The following NELL2 variants were observed in gnomAD, a reference collection of about 807,000 sequenced individuals.
The protein encoded by NELL2 is neural EGFL like 2.
Under a neutral mutation model 109.6 loss-of-function variants are expected in NELL2, and 41 were observed. The observed-to-expected ratio is 0.37, with a 90% CI of 0.29 to 0.49. The LOEUF (loss-of-function observed/expected upper bound fraction) is 0.49. Among genes scored for constraint, NELL2 ranks in the 20% least tolerant of loss-of-function variants. The probability of loss-of-function intolerance (pLI) is 0.98; values close to 1 mark genes in which losing one functional copy is unlikely to be tolerated. For missense variants in NELL2, 900 were observed against 1,008.3 expected, an observed-to-expected ratio of 0.89 and a Z score of 1.45; for synonymous variants, 355 against 344.7, an observed-to-expected ratio of 1.03 and a Z score of -0.33.
chr12:44,674,829 G>C (rs1948253606), intron 12 of NELL2, among the ~76,000 whole-genome samples: 1 of 152,114 alleles, frequency 6.6e-6, no homozygotes, highest in Non-Finnish European at 1.5e-5. Context: ...AATCTACCCA[G>C]TCCAAATTTC....
Position 44,523,433 on chromosome 12 carries a change from C to T in NELL2, c.1856G>A (p.Cys619Tyr). ...ATCATATCCGCCATCCAAATTGAAG[C>T]AAATGGTATCATTGGCACAGCTGTG... ...GRHSCANDTICFNLDGGYDCR... is the reference protein window; with the variant it reads ...GRHSCANDTIYFNLDGGYDCR... Residue 619 changes from cysteine (C) to tyrosine (Y), a missense_variant, in exon 17 of 20, where the codon TGC becomes TAC. Physicochemically the swap from Cys to Tyr is radical, Grantham distance 194. Around this residue, in one of 4 missense-constraint regions of NELL2, gnomAD observed 333 missense variants for 432.3 expected, o/e 0.77. Transcript: ENST00000429094. 6.2e-7 allele frequency: 1 copy of T among 1,614,052 alleles called. No homozygotes were observed. The highest frequency in any genetic ancestry group is 8.5e-7 in the Non-Finnish European group (1 of 1,180,004).
At chr12:44,906,183 T>C (rs1270528034) in intron 1 of NELL2, among the ~76,000 whole-genome samples, 1 of 151,788 alleles carries the variant, frequency 6.6e-6, no homozygotes, top group Non-Finnish European at 1.5e-5. Flanking sequence ...GAATAGCAAA[T>C]GTCTTGAGGT....
intron 15 of NELL2, among the ~76,000 whole-genome samples, chr12:44,539,119 T>C (rs1219572559): frequency 2.6e-5 from 4 of 152,320 alleles, no homozygotes; most frequent in Admixed American, 1.3e-4. Flanking sequence ...ATTCTCCTCG[T>C]ATTTTGTATC....
intron 11 of NELL2, among the ~76,000 whole-genome samples, chr12:44,706,925 C>T (rs77709921): frequency 0.061 from 9,332 of 151,944 alleles, 948 homozygotes; most frequent in African/African-American, 0.21. Context: ...AAAATATAAA[C>T]ATGCATTCTT....
chr12:44,616,452 A>G (rs1945825191), intron 13 of NELL2, among the ~76,000 whole-genome samples: 1 of 152,140 alleles, frequency 6.6e-6, no homozygotes, highest in Non-Finnish European at 1.5e-5. Flanking sequence ...ATGGCCCTAA[A>G]CATAGTGACA....
chr12:44,843,969 C>T (rs1372120267), intron 2 of NELL2, among the ~76,000 whole-genome samples: 1 of 152,088 alleles, frequency 6.6e-6, no homozygotes, highest in Admixed American at 6.5e-5. Context: ...TTGCAATCAG[C>T]CATGATTGTG....
intron 9 of NELL2, among the ~76,000 whole-genome samples, chr12:44,743,513 G>GAA (rs1169409846): frequency 8.9e-5 from 3 of 33,546 alleles, no homozygotes; most frequent in Non-Finnish European, 6.3e-5. Context: ...TAGCAAATTG[G>GAA]ATAGAGTCAA....
intron 11 of NELL2, among the ~76,000 whole-genome samples, chr12:44,711,061 G>C (rs1471369887): frequency 6.6e-6 from 1 of 152,074 alleles, no homozygotes; most frequent in Non-Finnish European, 1.5e-5. Flanking sequence ...GCTTGAGACA[G>C]GTTCAAGACA....
rs567946346 is a variant in NELL2 at position 44,715,588 on chromosome 12, T to G, written c.995-847A>C. On this transcript the variant is annotated intron_variant, in intron 9 of 19. Transcript: ENST00000429094. Reference sequence around the variant, plus strand: ...AGCGTCCTTCTCTGGCTTAGGCTCCTTGTAAGATGCTGAACTAAGTTCTCC... The same window carrying G: ...AGCGTCCTTCTCTGGCTTAGGCTCCGTGTAAGATGCTGAACTAAGTTCTCC... Among the ~76,000 whole-genome samples, 108 of 152,182 alleles carry G rather than the reference T, an allele frequency of 7.1e-4. 1 individual carries two copies. Among genetic ancestry groups the G allele is most frequent in the Non-Finnish European group, 3.8e-4 (26 of 68,008 alleles).
At chr12:44,887,597 C>T (rs918793452) in intron 1 of NELL2, among the ~76,000 whole-genome samples, 2 of 150,954 alleles carry the variant, frequency 1.3e-5, no homozygotes, top group South Asian at 4.2e-4. Context: ...AGATTTTTAC[C>T]CATTTTTTAA....
At chr12:44,860,815 C>T (rs1232187930) in intron 2 of NELL2, among the ~76,000 whole-genome samples, 4 of 152,232 alleles carry the variant, frequency 2.6e-5, no homozygotes, top group Non-Finnish European at 5.9e-5. Context: ...ATGTGGACAG[C>T]TGACTCTCAA....
At chr12:44,769,805 A>T (rs1241340370) in intron 9 of NELL2, among the ~76,000 whole-genome samples, 2 of 152,170 alleles carry the variant, frequency 1.3e-5, no homozygotes, top group African/African-American at 4.8e-5. Context: ...GGACGTCAAA[A>T]TGATACAATA....
chr12:44,600,438 C>T (rs1249068362), intron 15 of NELL2, among the ~76,000 whole-genome samples: 13 of 151,934 alleles, frequency 8.6e-5, no homozygotes, highest in Non-Finnish European at 1.9e-4. Flanking sequence ...AAAACAAAAA[C>T]AATTTCAGTA....
At chr12:44,569,585 T>A (rs913656220) in intron 15 of NELL2, among the ~76,000 whole-genome samples, 1 of 152,206 alleles carries the variant, frequency 6.6e-6, no homozygotes, top group Non-Finnish European at 1.5e-5. Context: ...TAAATGGCTC[T>A]GTTTTAGACC....
intron 2 of NELL2, among the ~76,000 whole-genome samples, chr12:44,832,619 G>A (rs1943922101): frequency 6.6e-6 from 1 of 152,180 alleles, no homozygotes; most frequent in African/African-American, 2.4e-5. Context: ...AAGTAACTAA[G>A]TAAAAGTTAC....
chr12:44,577,478 T>TG lies in NELL2; in HGVS notation c.1663+29690_1663+29691insC, dbSNP rs1565955570. On this transcript the variant is annotated intron_variant, in intron 15 of 19. Coordinates refer to ENST00000429094, the MANE Select transcript of NELL2 (RefSeq NM_001145108.2). The stretch of plus-strand genomic sequence containing the variant: ...GTCAGATGAGTAGTTTTTTTTTTTT[T>TG]TTTTTTTTTTTTTTGAGATGGAGTC... Among the ~76,000 whole-genome samples, 609 of 131,010 alleles carry TG rather than the reference T, an allele frequency of 4.6e-3. 6 individuals are homozygous for TG. Among genetic ancestry groups the TG allele is most frequent in the African/African-American group, 0.017 (519 of 31,184 alleles). 85.9% of individuals were successfully genotyped at this position (131,010 alleles called of 152,430 possible).
chr12:44,830,145 A>T (rs1370081890), intron 2 of NELL2, among the ~76,000 whole-genome samples: 1 of 152,180 alleles, frequency 6.6e-6, no homozygotes, highest in Non-Finnish European at 1.5e-5. Context: ...GGATTAAAAA[A>T]TAATGACATA....
chr12:44,801,580 C>T (rs924024483), intron 3 of NELL2, among the ~76,000 whole-genome samples: 6 of 152,158 alleles, frequency 3.9e-5, no homozygotes, highest in African/African-American at 1.2e-4. Context: ...ATTGTAACAT[C>T]GGACATGAGC....
chr12:44,896,563 T>C (rs1945594999), intron 1 of NELL2, among the ~76,000 whole-genome samples: 1 of 152,312 alleles, frequency 6.6e-6, no homozygotes, highest in African/African-American at 2.4e-5. Context: ...TAAACTAGCC[T>C]TGAAGCTATA....
Sources: gnomAD v4.1 joint callset for allele counts (sites outside exome capture counted in the v4.1 genomes callset) on GRCh38, gnomAD v4.1.1 for gene constraint, gnomAD v4.1.1 regional missense constraint, MANE v1.5 for transcripts, NCBI Gene and HGNC (gene_info 2026-07-23, HGNC 2026-07-21) for gene names.